KCNH7: variants seen among roughly 807,000 people sequenced by gnomAD.
The protein encoded by KCNH7 is voltage-gated inwardly rectifying potassium channel KCNH7.
In KCNH7, 49 loss-of-function variants were observed where a neutral mutation model predicts 120.8. That is an observed-to-expected ratio of 0.41 (90% CI 0.32 to 0.51). The LOEUF (loss-of-function observed/expected upper bound fraction) is 0.51, where lower values mean the gene tolerates loss of function less well. Ranked by LOEUF, KCNH7 falls within the 20% of genes least tolerant of loss-of-function variation. The pLI is 0.38. For missense variants in KCNH7, 1,097 were observed against 1,446.6 expected (o/e 0.76, Z 3.92); for synonymous variants, 547 against 516.1 (o/e 1.06, Z -0.81).
At chr2:162,459,881 G>C (rs542769178) in intron 6 of KCNH7, among the ~76,000 whole-genome samples, 1 of 152,056 alleles carries the variant, frequency 6.6e-6, no homozygotes, top group South Asian at 2.1e-4. Flanking sequence ...AGATGACGAG[G>C]TCAAGAGATT....
At chr2:162,380,696 T>A (rs966481851) in intron 13 of KCNH7, among the ~76,000 whole-genome samples, 1 of 152,192 alleles carries the variant, frequency 6.6e-6, no homozygotes, top group Non-Finnish European at 1.5e-5. Flanking sequence ...CTCTTTATTT[T>A]AAATATTGCT....
chr2:162,553,172 A>G (rs953193228), intron 2 of KCNH7, among the ~76,000 whole-genome samples: 8 of 152,228 alleles, frequency 5.3e-5, no homozygotes, highest in African/African-American at 1.9e-4. Flanking sequence ...TGGGAAGTAC[A>G]GTGTACGGAA....
chr2:162,382,943 G>C (rs569818997), intron 13 of KCNH7, among the ~76,000 whole-genome samples: 1 of 151,872 alleles, frequency 6.6e-6, no homozygotes, highest in Admixed American at 6.6e-5. Context: ...ATTATTATTT[G>C]AATAGAGATT....
intron 2 of KCNH7, among the ~76,000 whole-genome samples, chr2:162,733,802 G>C (rs1452433725): frequency 5.9e-5 from 9 of 152,138 alleles, no homozygotes; most frequent in Non-Finnish European, 1.0e-4. Context: ...AAAGGGAAGT[G>C]AATAGAACAA....
At chr2:162,591,249 TTTTC>T (rs1161020729) in intron 2 of KCNH7, among the ~76,000 whole-genome samples, 1 of 151,248 alleles carries the variant, frequency 6.6e-6, no homozygotes, top group Non-Finnish European at 1.5e-5. Flanking sequence ...TTTCTTTTAT[TTTTC>T]TTTATTTTTT....
chr2:162,607,389 CAA>C (rs555585886), intron 2 of KCNH7, among the ~76,000 whole-genome samples: 1 of 131,926 alleles, frequency 7.6e-6, no homozygotes. Context: ...GACTCAGTCT[CAA>C]AAAAAAAAAA....
At chr2:162,692,709 A>G (rs567934609) in intron 2 of KCNH7, among the ~76,000 whole-genome samples, 1 of 152,306 alleles carries the variant, frequency 6.6e-6, no homozygotes, top group Non-Finnish European at 1.5e-5. Flanking sequence ...AGGGTTGAGA[A>G]AAGTTCATAT....
At chr2:162,658,188 A>T (rs1195482908) in intron 2 of KCNH7, among the ~76,000 whole-genome samples, 6 of 151,110 alleles carry the variant, frequency 4.0e-5, no homozygotes, top group African/African-American at 1.5e-4. Flanking sequence ...TTTTTTAATT[A>T]TTGTTATTTT....
chr2:162,766,608 A>G (rs1380121940), intron 2 of KCNH7, among the ~76,000 whole-genome samples: 1 of 152,154 alleles, frequency 6.6e-6, no homozygotes. Flanking sequence ...GTTTTTCTTT[A>G]CATCTATGCT....
intron 2 of KCNH7, among the ~76,000 whole-genome samples, chr2:162,714,873 A>T (rs1383731985): frequency 6.6e-6 from 1 of 152,210 alleles, no homozygotes; most frequent in Non-Finnish European, 1.5e-5. Context: ...TACGGGCTAT[A>T]TAAAAAGAGA....
intron 2 of KCNH7, among the ~76,000 whole-genome samples, chr2:162,808,085 G>A (rs2105560661): frequency 6.6e-6 from 1 of 152,280 alleles, no homozygotes; most frequent in African/African-American, 2.4e-5. Context: ...GGATGCTCAA[G>A]TCTGATATAT....
At chr2:162,451,716 A>C (rs1005143022) in intron 6 of KCNH7, among the ~76,000 whole-genome samples, 3 of 152,078 alleles carry the variant, frequency 2.0e-5, no homozygotes, top group African/African-American at 7.2e-5. Flanking sequence ...TAGTTTGATC[A>C]ATCAATAAAT....
At chr2:162,645,080 G>A (rs897294430) in intron 2 of KCNH7, among the ~76,000 whole-genome samples, 18 of 152,180 alleles carry the variant, frequency 1.2e-4, no homozygotes, top group African/African-American at 4.1e-4. Flanking sequence ...GTATGTTTGA[G>A]AATATTTATG....
intron 2 of KCNH7, among the ~76,000 whole-genome samples, chr2:162,667,178 C>A (rs1337406524): frequency 6.6e-6 from 1 of 151,864 alleles, no homozygotes; most frequent in Non-Finnish European, 1.5e-5. Flanking sequence ...CACCACAATG[C>A]CCAGCTAATT....
intron 2 of KCNH7, among the ~76,000 whole-genome samples, chr2:162,709,062 T>C (rs945391547): frequency 6.6e-6 from 1 of 152,096 alleles, no homozygotes; most frequent in Admixed American, 6.6e-5. Context: ...AAGCTCATCA[T>C]TAAAAAGTTG....
intron 2 of KCNH7, among the ~76,000 whole-genome samples, chr2:162,690,311 G>A (rs1686055241): frequency 6.6e-6 from 1 of 151,974 alleles, no homozygotes; most frequent in Non-Finnish European, 1.5e-5. Flanking sequence ...GAAATAATCT[G>A]TACAACAAAC....
At chr2:162,780,797 T>A (rs1242085281) in intron 2 of KCNH7, among the ~76,000 whole-genome samples, 4 of 152,128 alleles carry the variant, frequency 2.6e-5, no homozygotes, top group Non-Finnish European at 5.9e-5. Flanking sequence ...TAGACATTAT[T>A]TTGACTGGTT....
chr2:162,501,980 C>A (rs1178519495), intron 6 of KCNH7: 1 of 151,986 alleles, frequency 6.6e-6, no homozygotes, highest in Non-Finnish European at 1.5e-5. Flanking sequence ...AAATGCAAAG[C>A]TTTTGATGGA....
intron 2 of KCNH7, among the ~76,000 whole-genome samples, chr2:162,577,347 TC>T (rs1447510379): frequency 0.023 from 2,080 of 91,360 alleles, 21 homozygotes; most frequent in African/African-American, 0.025. Context: ...CATCTATCCA[TC>T]CTATCTATCT....
Sources: gnomAD v4.1 joint callset for allele counts (sites outside exome capture counted in the v4.1 genomes callset) on GRCh38, gnomAD v4.1.1 for gene constraint, MANE v1.5 for transcripts, NCBI Gene and HGNC (gene_info 2026-07-23, HGNC 2026-07-21) for gene names.